BBOX1: variants seen among roughly 807,000 people sequenced by gnomAD.
BBOX1 encodes gamma-butyrobetaine hydroxylase 1.
Under a neutral mutation model 41.6 loss-of-function variants are expected in BBOX1, and 35 were observed. The ratio of observed to expected loss-of-function variants is 0.84; its 90% CI spans 0.64 to 1.11. The LOEUF (loss-of-function observed/expected upper bound fraction) is 1.11, where lower values mean the gene tolerates loss of function less well. BBOX1 is among the 50% of genes most tolerant of loss of function. The probability of loss-of-function intolerance (pLI) is 0.00; values close to 1 mark genes in which losing one functional copy is unlikely to be tolerated. For missense variants in BBOX1, 458 were observed against 460.6 expected, an observed-to-expected ratio of 0.99 and a Z score of 0.05; for synonymous variants, 163 against 154.7, an observed-to-expected ratio of 1.05 and a Z score of -0.40.
At chr11:27,119,943 C>A (rs1003780813) in intron 7 of BBOX1, 98 bp downstream of exon 7, 24 of 678,142 alleles carry the variant, frequency 3.5e-5, no homozygotes, top group Non-Finnish European at 4.5e-5. Flanking sequence ...CAACGAACTT[C>A]AGAGCTTTAT....
intron 4 of BBOX1, among the ~76,000 whole-genome samples, chr11:27,059,655 A>G (rs1408297241): frequency 1.3e-5 from 2 of 152,198 alleles, no homozygotes; most frequent in East Asian, 3.9e-4. Flanking sequence ...TTGCAAAGCC[A>G]TAGGGGCAGA....
chr11:27,127,420 T>C lies in BBOX1; in HGVS notation c.1131T>C (p.Arg377=), dbSNP rs1859708617. 1.9e-6 allele frequency: 3 copies of C among 1,613,030 alleles called. No individual in the cohort carries two copies. Among genetic ancestry groups the C allele is most frequent in the East Asian group, 4.5e-5 (2 of 44,876 alleles). ...ADWDVVMSRL[R]ILRQRVENGN is the part of the protein sequence containing the mutation. ...GGGATGTGGTCATGTCAAGGCTTCG[T>C]ATCTTAAGGCAGAGGGTGGAGAATG... Residue 377 remains arginine, a synonymous_variant, in exon 9 of 9, where the codon CGT becomes CGC. Transcript: ENST00000263182.
intron 4 of BBOX1, among the ~76,000 whole-genome samples, chr11:27,065,756 T>A (rs1009250201): frequency 6.6e-6 from 1 of 152,190 alleles, no homozygotes; most frequent in Admixed American, 6.5e-5. Context: ...TTAAATAAAA[T>A]TTTTTAAAAG....
In BBOX1 at chr11:27,063,305, G is replaced by A. The variant is rs560414687; in HGVS notation, c.334+5990G>A. On this transcript the variant is annotated intron_variant, in intron 4 of 8. Coordinates refer to ENST00000263182, the MANE Select transcript of BBOX1 (RefSeq NM_003986.3). ...ATGTACTAATTATAATTTAGCTCTC[G>A]TGAAATTTTGGCATAATTATATGCT... Among the ~76,000 whole-genome samples the A allele has an allele frequency of 9.9e-5, 15 of 151,998 alleles. No homozygotes were observed. In the South Asian group the frequency reaches 1.9e-3, roughly 19 times the overall value.
intron 7 of BBOX1, among the ~76,000 whole-genome samples, chr11:27,123,550 T>G (rs1478601285): frequency 6.6e-6 from 1 of 151,024 alleles, no homozygotes; most frequent in African/African-American, 2.4e-5. Context: ...ACAGAACACA[T>G]AACAAGAAAA....
At chr11:27,095,678 A>AT (rs1858413231) in intron 5 of BBOX1, among the ~76,000 whole-genome samples, 1 of 151,940 alleles carries the variant, frequency 6.6e-6, no homozygotes, top group Non-Finnish European at 1.5e-5. Flanking sequence ...CTCTCTACAT[A>AT]TTTTTTGACA....
chr11:27,125,999 C>G (rs1246486136), intron 8 of BBOX1, among the ~76,000 whole-genome samples, 179 bp downstream of exon 8: 1 of 152,080 alleles, frequency 6.6e-6, no homozygotes, highest in Non-Finnish European at 1.5e-5. Context: ...GAGGTTTATG[C>G]TTAATTATTT....
At chr11:27,080,436 C>T (rs1857796657) in intron 4 of BBOX1, among the ~76,000 whole-genome samples, 1 of 152,028 alleles carries the variant, frequency 6.6e-6, no homozygotes, top group Non-Finnish European at 1.5e-5. Context: ...CATTATTGGG[C>T]ACTTTCCATG....
intron 5 of BBOX1, among the ~76,000 whole-genome samples, chr11:27,096,512 C>T (rs767733061): frequency 7.2e-5 from 11 of 151,968 alleles, no homozygotes; most frequent in Non-Finnish European, 1.3e-4. Flanking sequence ...TGGTTAGATG[C>T]CTAAAACAAT....
intron 5 of BBOX1, among the ~76,000 whole-genome samples, chr11:27,099,934 T>G (rs1590211618): frequency 6.6e-6 from 1 of 152,096 alleles, no homozygotes; most frequent in East Asian, 1.9e-4. Flanking sequence ...TAAGGTCAAA[T>G]AGAAATGTGT....
rs1199116667 is a variant in BBOX1 at position 27,127,297 on chromosome 11, T to C, written c.1008T>C (p.Asp336=). 1 of 1,613,362 alleles carries C rather than the reference T, an allele frequency of 6.2e-7. No homozygotes were observed. Among genetic ancestry groups the C allele is most frequent in the Non-Finnish European group, 8.5e-7 (1 of 1,179,866 alleles). Residue 336 remains aspartate, a synonymous_variant, in exon 9 of 9, where the codon GAT becomes GAC. Transcript: ENST00000263182. ...SKFTFKMNPG[D]VITFDNWRLL... ...TGGAAAAAATCTTTTCTTTAGGTGA[T>C]GTGATTACTTTTGATAACTGGCGCT... is the stretch of plus-strand genomic sequence containing the variant.
chr11:27,100,720 A>C (rs975673511), intron 5 of BBOX1, among the ~76,000 whole-genome samples: 1 of 152,060 alleles, frequency 6.6e-6, no homozygotes, highest in African/African-American at 2.4e-5. Context: ...AAACCACTTG[A>C]GTATGAAGTC....
At chr11:27,063,517 T>C (rs1857193763) in intron 4 of BBOX1, among the ~76,000 whole-genome samples, 1 of 152,150 alleles carries the variant, frequency 6.6e-6, no homozygotes, top group South Asian at 2.1e-4. Flanking sequence ...AGTATTTTTG[T>C]ATTAATCTCT....
At chr11:27,091,089 C>T (rs1371390354) in intron 4 of BBOX1, among the ~76,000 whole-genome samples, 1 of 151,912 alleles carries the variant, frequency 6.6e-6, no homozygotes, top group Non-Finnish European at 1.5e-5. Flanking sequence ...TAAAGGCAGG[C>T]ATAAGAAATT....
At chr11:27,074,059 T>A (rs1857557085) in intron 4 of BBOX1, among the ~76,000 whole-genome samples, 1 of 151,892 alleles carries the variant, frequency 6.6e-6, no homozygotes, top group Admixed American at 6.6e-5. Flanking sequence ...ACTTAAAGTA[T>A]AATATAAAAA....
Position 27,115,474 on chromosome 11 carries a change from A to G in BBOX1, c.556A>G (p.Lys186Glu). ...FYGHTWQVQD[K>E]IDANNVAYTT... ...CAGACATACTTGGCAAGTGCAAGAC[A>G]AAATCGATGCAAACAATGTGGCTTA... The change falls in exon 6 of 9, where the codon AAA becomes GAA. Residue 186 changes from lysine (K) to glutamate (E), a missense_variant. Physicochemically the swap from Lys to Glu is moderately conservative, Grantham distance 56. Coordinates refer to ENST00000263182, the MANE Select transcript of BBOX1 (RefSeq NM_003986.3). 1.2e-6 allele frequency: 2 copies of G among 1,610,460 alleles called. No homozygotes were observed. Among genetic ancestry groups the G allele is most frequent in the Non-Finnish European group, 1.7e-6 (2 of 1,177,860 alleles).
At chr11:27,085,555 A>ATATCTCTCTCTC (rs1858005434) in intron 4 of BBOX1, among the ~76,000 whole-genome samples, 1 of 134,754 alleles carries the variant, frequency 7.4e-6, no homozygotes, top group African/African-American at 2.6e-5. Flanking sequence ...ACATTCCCCC[A>ATATCTCTCTCTC]TCTCTCTCTC....
chr11:27,075,867 G>A (rs1431275010), intron 4 of BBOX1, among the ~76,000 whole-genome samples: 1 of 152,126 alleles, frequency 6.6e-6, no homozygotes, highest in Non-Finnish European at 1.5e-5. Context: ...GTGATTGGCA[G>A]GAGGGAAAAG....
chr11:27,116,277 C>T (rs1458734196), intron 6 of BBOX1, among the ~76,000 whole-genome samples: 1 of 151,490 alleles, frequency 6.6e-6, no homozygotes, highest in African/African-American at 2.4e-5. Context: ...ACAATGAGAA[C>T]ACATGGACAC....
Sources: gnomAD v4.1 joint callset for allele counts (sites outside exome capture counted in the v4.1 genomes callset) on GRCh38, gnomAD v4.1.1 for gene constraint, MANE v1.5 for transcripts, NCBI Gene and HGNC (gene_info 2026-07-23, HGNC 2026-07-21) for gene names.